The following SPAG16 variants were observed in gnomAD, a reference collection of about 807,000 sequenced individuals.
SPAG16 encodes the protein sperm-associated antigen 16 protein.
Under a neutral mutation model 80.4 loss-of-function variants are expected in SPAG16, and 86 were observed. That is an observed-to-expected ratio of 1.07 (90% CI 0.90 to 1.28). The LOEUF is 1.28. SPAG16 is among the 50% of genes most tolerant of loss of function. The pLI is 0.00. For synonymous variants in SPAG16, 294 were observed against 265.9 expected (o/e 1.11, Z -1.03); for missense variants, 870 against 765.3 (o/e 1.14, Z -1.61).
chr2:214,355,284 C>A (rs1698701090), intron 15 of SPAG16, among the ~76,000 whole-genome samples: 1 of 127,440 alleles, frequency 7.8e-6, no homozygotes, highest in African/African-American at 2.6e-5. Context: ...TGACAAAGGG[C>A]TAATATCAAG....
chr2:213,892,267 C>CT (rs2106083628), intron 11 of SPAG16, among the ~76,000 whole-genome samples: 1 of 152,170 alleles, frequency 6.6e-6, no homozygotes, highest in Admixed American at 6.5e-5. Context: ...GGGCTGAAGG[C>CT]TACCACCCAG....
intron 9 of SPAG16, among the ~76,000 whole-genome samples, chr2:213,427,021 G>T (rs539520966): frequency 1.3e-5 from 2 of 150,982 alleles, no homozygotes; most frequent in South Asian, 2.1e-4. Context: ...GGTTTATTTC[G>T]CCTTTTGCCT....
intron 10 of SPAG16, among the ~76,000 whole-genome samples, chr2:213,520,396 C>T (rs1019381689): frequency 6.6e-6 from 1 of 151,582 alleles, no homozygotes; most frequent in African/African-American, 2.4e-5. Context: ...ACCATCCTGG[C>T]TAACACGGTG....
At chr2:213,468,588 T>G (rs1279080648) in intron 9 of SPAG16, among the ~76,000 whole-genome samples, 6 of 145,362 alleles carry the variant, frequency 4.1e-5, no homozygotes, top group African/African-American at 1.0e-4. Context: ...TATTTATATA[T>G]AGAGATATAT....
chr2:213,598,710 T>G lies in SPAG16; in HGVS notation c.1070+108620T>G, dbSNP rs147696299. Among the ~76,000 whole-genome samples the G allele has an allele frequency of 1.5e-3, 227 of 152,336 alleles. 2 individuals are homozygous for G. The highest frequency in any genetic ancestry group is 4.9e-3 in the African/African-American group (205 of 41,574). On this transcript the variant is annotated intron_variant, in intron 10 of 15. Transcript: ENST00000331683. ...AATAATAAAATTGAAATTGCACATA[T>G]TTTCTCCTTTTGTGGGGAAAGAGGT...
chr2:214,182,351 T>TG (rs1286358092), intron 15 of SPAG16, among the ~76,000 whole-genome samples: 1 of 151,816 alleles, frequency 6.6e-6, no homozygotes, highest in Non-Finnish European at 1.5e-5. Context: ...ACACTGGATA[T>TG]TCTTAAATAC....
intron 15 of SPAG16, among the ~76,000 whole-genome samples, chr2:214,344,944 AT>A (rs538410327): frequency 5.3e-5 from 8 of 151,864 alleles, no homozygotes; most frequent in Admixed American, 1.3e-4. Context: ...ATGAATGAGT[AT>A]TTTTTTTCCT....
chr2:214,387,586 TCCTC>T (rs1393947374), intron 15 of SPAG16, among the ~76,000 whole-genome samples: 10 of 152,194 alleles, frequency 6.6e-5, no homozygotes, highest in African/African-American at 2.2e-4. Context: ...TATATGTCCA[TCCTC>T]ACGCTGCTAA....
chr2:214,268,585 CA>C (rs928357908), intron 15 of SPAG16, among the ~76,000 whole-genome samples: 1 of 151,762 alleles, frequency 6.6e-6, no homozygotes, highest in African/African-American at 2.4e-5. Context: ...CCATGTCATC[CA>C]AAAACTCAAT....
intron 9 of SPAG16, among the ~76,000 whole-genome samples, chr2:213,409,069 A>G (rs1231200266): frequency 2.0e-5 from 3 of 152,070 alleles, no homozygotes; most frequent in Non-Finnish European, 4.4e-5. Context: ...GAATTTACAT[A>G]AAAAGGAATG....
At chr2:213,973,912 C>T (rs949111410) in intron 12 of SPAG16, among the ~76,000 whole-genome samples, 20 of 152,010 alleles carry the variant, frequency 1.3e-4, no homozygotes, top group African/African-American at 3.6e-4. Context: ...TGGTGGAAGA[C>T]GGACCCTCAA....
At chr2:214,167,877 C>T (rs2056721671) in intron 15 of SPAG16, among the ~76,000 whole-genome samples, 1 of 151,350 alleles carries the variant, frequency 6.6e-6, no homozygotes, top group African/African-American at 2.4e-5. Context: ...TCCAGAGTGA[C>T]ACTGACTGGT....
At chr2:213,429,660 G>A (rs1038868489) in intron 9 of SPAG16, among the ~76,000 whole-genome samples, 5 of 152,138 alleles carry the variant, frequency 3.3e-5, no homozygotes, top group African/African-American at 7.2e-5. Flanking sequence ...GAGGACATGA[G>A]TCTGCTCACC....
At chr2:214,011,486 GATT>G (rs2047279246) in intron 12 of SPAG16, among the ~76,000 whole-genome samples, 1 of 152,006 alleles carries the variant, frequency 6.6e-6, no homozygotes, top group Non-Finnish European at 1.5e-5. Context: ...AAATATTTTT[GATT>G]TGTGGACCAT....
intron 13 of SPAG16, among the ~76,000 whole-genome samples, chr2:214,054,651 A>G (rs1021177727): frequency 1.3e-5 from 2 of 152,190 alleles, no homozygotes; most frequent in Admixed American, 1.3e-4. Flanking sequence ...GGTTTAATGA[A>G]CAATAACCTT....
intron 12 of SPAG16, among the ~76,000 whole-genome samples, chr2:214,012,521 C>T (rs886274779): frequency 6.6e-6 from 1 of 151,480 alleles, no homozygotes; most frequent in African/African-American, 2.4e-5. Flanking sequence ...GTCTCGAACA[C>T]CTGACTTCAG....
chr2:214,231,736 T>G lies in SPAG16; in HGVS notation c.1720+82470T>G, dbSNP rs564676441. ...TTTTGTCCTTCAAGAGGCATTATAT[T>G]TTCCTTAAATTCATTGCCAGTTTTC... On this transcript the variant is annotated intron_variant, in intron 15 of 15. Transcript: ENST00000331683. 3.9e-5 allele frequency among the ~76,000 whole-genome samples: 6 copies of G among 152,204 alleles called. No homozygotes were observed. The East Asian group carries it at 9.6e-4, about 24-fold the overall frequency.
intron 10 of SPAG16, among the ~76,000 whole-genome samples, chr2:213,604,958 C>T (rs987444596): frequency 6.7e-6 from 1 of 148,880 alleles, no homozygotes; most frequent in Non-Finnish European, 1.5e-5. Flanking sequence ...ATATTAAATA[C>T]AAAACTTTAT....
chr2:214,109,747 A>G (rs1481163020), intron 14 of SPAG16, among the ~76,000 whole-genome samples: 1 of 152,178 alleles, frequency 6.6e-6, no homozygotes, highest in East Asian at 1.9e-4. Flanking sequence ...TGAGCCAATT[A>G]GTTGGAAAGT....
Sources: allele counts gnomAD v4.1 joint callset (sites outside exome capture counted in the v4.1 genomes callset), GRCh38; gene constraint gnomAD v4.1.1; transcripts MANE v1.5; gene names NCBI Gene and HGNC (gene_info 2026-07-23, HGNC 2026-07-21).